Variants in CDH12 observed in about 807,000 individuals in gnomAD.
CDH12 encodes the protein cadherin-12.
In CDH12, 41 loss-of-function variants were observed where a neutral mutation model predicts 74.1. The observed-to-expected ratio is 0.55, with a 90% CI of 0.43 to 0.72. The LOEUF (loss-of-function observed/expected upper bound fraction) is 0.72. CDH12 is among the 30% of genes least tolerant of loss of function. The pLI, the probability that CDH12 is intolerant of heterozygous loss-of-function variation, is 0.00. For missense variants in CDH12, 945 were observed against 977.2 expected, an observed-to-expected ratio of 0.97 and a Z score of 0.44; for synonymous variants, 399 against 355.0, an observed-to-expected ratio of 1.12 and a Z score of -1.39.
chr5:22,516,248 A>G (rs1452118995), intron 1 of CDH12, among the ~76,000 whole-genome samples: 5 of 152,202 alleles, frequency 3.3e-5, no homozygotes, highest in African/African-American at 9.6e-5. Context: ...ACAGCCCTCC[A>G]ATACAAATAA....
At chr5:22,395,685 G>C (rs977165618) in intron 3 of CDH12, among the ~76,000 whole-genome samples, 4 of 151,938 alleles carry the variant, frequency 2.6e-5, no homozygotes, top group African/African-American at 9.7e-5. Context: ...TTGATATTTG[G>C]GTCTGAAGAC....
chr5:22,174,369 A>T (rs1458816176), intron 4 of CDH12, among the ~76,000 whole-genome samples: 3 of 152,008 alleles, frequency 2.0e-5, no homozygotes, highest in African/African-American at 7.2e-5. Context: ...AAGCAAAAAC[A>T]GTAAGTATGA....
At chr5:22,394,421 A>C (rs1410359011) in intron 3 of CDH12, among the ~76,000 whole-genome samples, 1 of 152,258 alleles carries the variant, frequency 6.6e-6, no homozygotes, top group East Asian at 1.9e-4. Flanking sequence ...ACAAACAGAA[A>C]TATAGAGCTA....
At chr5:22,369,436 G>A (rs971874601) in intron 3 of CDH12, among the ~76,000 whole-genome samples, 10 of 151,886 alleles carry the variant, frequency 6.6e-5, no homozygotes, top group Admixed American at 3.9e-4. Context: ...AGGCATAAAA[G>A]TGTCACCCAA....
At chr5:22,782,909 T>C (rs10077948) in intron 1 of CDH12, among the ~76,000 whole-genome samples, 6,685 of 152,242 alleles carry the variant, frequency 0.044, 486 homozygotes, top group African/African-American at 0.15. Context: ...ATAAAAACTT[T>C]CATTTACTTC....
intron 1 of CDH12, among the ~76,000 whole-genome samples, chr5:22,665,228 G>A (rs1040653186): frequency 2.6e-5 from 4 of 152,126 alleles, no homozygotes; most frequent in Admixed American, 2.6e-4. Context: ...TACCAGCACA[G>A]CTCCTGGCCT....
At chr5:21,772,671 TTGATTCAATA>T (rs1328994840) in intron 11 of CDH12, among the ~76,000 whole-genome samples, 1 of 152,144 alleles carries the variant, frequency 6.6e-6, no homozygotes, top group Non-Finnish European at 1.5e-5. Context: ...CCTATAGTAA[TTGATTCAATA>T]TGATATAGTA....
intron 11 of CDH12, among the ~76,000 whole-genome samples, chr5:21,776,175 G>A (rs920375087): frequency 6.6e-6 from 1 of 152,168 alleles, no homozygotes; most frequent in Non-Finnish European, 1.5e-5. Flanking sequence ...CCTGTGGCTG[G>A]AAACTGAGGG....
At chr5:22,358,647 C>T (rs6865107) in intron 3 of CDH12, among the ~76,000 whole-genome samples, 10,987 of 152,122 alleles carry the variant, frequency 0.072, 453 homozygotes, top group South Asian at 0.16. Context: ...ATTGGTAGAA[C>T]GTTATTGAAT....
At chr5:22,688,425 T>G (rs1380764013) in intron 1 of CDH12, among the ~76,000 whole-genome samples, 1 of 152,214 alleles carries the variant, frequency 6.6e-6, no homozygotes, top group African/African-American at 2.4e-5. Context: ...CTTTTGAATT[T>G]AAAAAATAGT....
chr5:22,373,728 C>A (rs893452397), intron 3 of CDH12, among the ~76,000 whole-genome samples: 1 of 152,118 alleles, frequency 6.6e-6, no homozygotes, highest in African/African-American at 2.4e-5. Context: ...CCTGCATGTA[C>A]CCAAAGTTAA....
chr5:22,201,834 G>A (rs1470043472), intron 4 of CDH12, among the ~76,000 whole-genome samples: 1 of 152,050 alleles, frequency 6.6e-6, no homozygotes, highest in Non-Finnish European at 1.5e-5. Flanking sequence ...ATATGGTAAC[G>A]CGGCCATAAG....
chr5:21,866,797 A>G (rs1409497841), intron 6 of CDH12, among the ~76,000 whole-genome samples: 1 of 152,174 alleles, frequency 6.6e-6, no homozygotes, highest in East Asian at 1.9e-4. Flanking sequence ...CACAAGGACA[A>G]TGAAGAAAAT....
At chr5:22,123,691 T>G (rs1432048162) in intron 4 of CDH12, among the ~76,000 whole-genome samples, 1 of 152,226 alleles carries the variant, frequency 6.6e-6, no homozygotes, top group Non-Finnish European at 1.5e-5. Context: ...CTTTGTATTC[T>G]GCTCTGTCCT....
rs189926882 is a variant in CDH12, at chr5:22,277,901, G to A, written c.-332-65258C>T. 247 of 153,732 alleles carry A rather than the reference G, an allele frequency of 1.6e-3. 1 individual carries two copies. The highest frequency in any genetic ancestry group is 3.3e-3 in the Admixed American group (51 of 15,304). 9.5% of individuals were successfully genotyped at this position (153,732 alleles called of 1,614,324 possible). ...AACTAAGCTTGCTGCAATGTGGGAAGCCCTCTCTTATCCTGGACATAAGTG... is the reference window on the plus strand; with the variant it reads ...AACTAAGCTTGCTGCAATGTGGGAAACCCTCTCTTATCCTGGACATAAGTG... On this transcript the variant is annotated intron_variant, in intron 3 of 14. Transcript: ENST00000382254.
intron 6 of CDH12, among the ~76,000 whole-genome samples, chr5:21,873,297 C>T (rs1472257255): frequency 6.6e-6 from 1 of 152,092 alleles, no homozygotes; most frequent in Non-Finnish European, 1.5e-5. Context: ...CAAATTCTTC[C>T]CCCTTTTTTT....
Position 22,817,242 on chromosome 5 carries a change from A to G in CDH12, c.-523+35816T>C, listed in dbSNP as rs141502039. 2.3e-3 allele frequency among the ~76,000 whole-genome samples: 350 copies of G among 152,272 alleles called. 3 individuals are homozygous for G. Among genetic ancestry groups the G allele is most frequent in the African/African-American group, 8.3e-3 (345 of 41,586 alleles). On this transcript the variant is annotated intron_variant, in intron 1 of 14. Transcript: ENST00000382254. ...GTGGTTTTAGTCATTAAGATATACA[A>G]TGTAGAAAATTTGTCAGAATCATGA...
intron 3 of CDH12, among the ~76,000 whole-genome samples, chr5:22,387,925 G>T (rs545407108): frequency 2.6e-5 from 4 of 152,044 alleles, no homozygotes; most frequent in African/African-American, 9.7e-5. Flanking sequence ...ATATGAACTA[G>T]AGATTGTCAC....
intron 5 of CDH12, among the ~76,000 whole-genome samples, chr5:22,042,523 C>T (rs1002108571): frequency 4.0e-5 from 6 of 151,808 alleles, no homozygotes; most frequent in Non-Finnish European, 7.4e-5. Context: ...AACTATATAC[C>T]AACAAACTGG....
Sources: gnomAD v4.1 joint callset for allele counts (sites outside exome capture counted in the v4.1 genomes callset) on GRCh38, gnomAD v4.1.1 for gene constraint, MANE v1.5 for transcripts, NCBI Gene and HGNC (gene_info 2026-07-23, HGNC 2026-07-21) for gene names.